The following MACROD2 variants were observed in gnomAD, a reference collection of about 807,000 sequenced individuals.
MACROD2 encodes ADP-ribose glycohydrolase MACROD2.
A neutral mutation model predicts 70.4 loss-of-function variants in MACROD2; 36 were observed. The observed-to-expected ratio is 0.51, with a 90% CI of 0.39 to 0.68. MACROD2 has a LOEUF of 0.68. MACROD2 is among the 30% of genes least tolerant of loss of function. The probability of loss-of-function intolerance (pLI) is 0.00; values close to 1 mark genes in which losing one functional copy is unlikely to be tolerated. For synonymous variants in MACROD2, 172 were observed against 178.8 expected (o/e 0.96, Z 0.30); for missense variants, 496 against 538.4 (o/e 0.92, Z 0.78).
chr20:14,694,051 G>T (rs774253819), intron 5 of MACROD2, among the ~76,000 whole-genome samples: 2 of 152,134 alleles, frequency 1.3e-5, no homozygotes, highest in Non-Finnish European at 2.9e-5. Flanking sequence ...AAGAGCTTAG[G>T]TCCTAGCAGA....
intron 2 of MACROD2, among the ~76,000 whole-genome samples, chr20:14,013,696 T>TTTTG (rs2052946943): frequency 7.5e-6 from 1 of 133,850 alleles, no homozygotes; most frequent in South Asian, 2.5e-4. Flanking sequence ...TTTTTTTTTT[T>TTTTG]TGAGACGGAG....
chr20:14,214,290 TA>T (rs1250506041), intron 3 of MACROD2, among the ~76,000 whole-genome samples: 2 of 152,124 alleles, frequency 1.3e-5, no homozygotes, highest in Admixed American at 1.3e-4. Context: ...TAAAAGGCAT[TA>T]AAAGAAAACA....
chr20:14,775,119 G>A (rs2123776563), intron 5 of MACROD2, among the ~76,000 whole-genome samples: 1 of 152,168 alleles, frequency 6.6e-6, no homozygotes, highest in African/African-American at 2.4e-5. Flanking sequence ...GTGTGTATAT[G>A]TTTACCACTT....
chr20:15,074,731 T>C (rs1035062782), intron 5 of MACROD2, among the ~76,000 whole-genome samples: 1 of 152,174 alleles, frequency 6.6e-6, no homozygotes, highest in Admixed American at 6.5e-5. Flanking sequence ...TGCAATGTAT[T>C]GGAAGCCCCT....
At chr20:14,710,590 C>T (rs2071326668) in intron 5 of MACROD2, among the ~76,000 whole-genome samples, 1 of 152,072 alleles carries the variant, frequency 6.6e-6, no homozygotes, top group South Asian at 2.1e-4. Context: ...ATTGACTGAG[C>T]CTCCCTTTGG....
chr20:15,915,007 G>T (rs527512003), intron 10 of MACROD2, among the ~76,000 whole-genome samples: 1 of 152,276 alleles, frequency 6.6e-6, no homozygotes, highest in East Asian at 1.9e-4. Context: ...GATCTGGAAG[G>T]GTCCCAAGCG....
chr20:15,998,957 C>G (rs889931583), intron 15 of MACROD2, among the ~76,000 whole-genome samples: 6 of 151,636 alleles, frequency 4.0e-5, no homozygotes, highest in Non-Finnish European at 5.9e-5. Context: ...TATTGTTTTT[C>G]TATTCTCTAT....
At chr20:14,753,892 A>G (rs1371233627) in intron 5 of MACROD2, among the ~76,000 whole-genome samples, 2 of 152,088 alleles carry the variant, frequency 1.3e-5, no homozygotes, top group Admixed American at 6.6e-5. Context: ...CTAAAACACC[A>G]TGTCCAAATT....
intron 15 of MACROD2, among the ~76,000 whole-genome samples, chr20:15,989,313 T>A (rs778170851): frequency 1.6e-4 from 25 of 152,330 alleles, no homozygotes; most frequent in Non-Finnish European, 3.1e-4. Flanking sequence ...TCCATTTGGT[T>A]GGCAGCACCA....
chr20:15,196,558 C>A (rs1376653024), intron 5 of MACROD2, among the ~76,000 whole-genome samples: 3 of 152,058 alleles, frequency 2.0e-5, no homozygotes, highest in African/African-American at 7.2e-5. Flanking sequence ...CTCTACTGGA[C>A]AAAAATCTAT....
chr20:15,973,784 T>C lies in MACROD2; in HGVS notation c.985+6154T>C, dbSNP rs192836538. Among the ~76,000 whole-genome samples, 588 of 152,320 alleles carry C rather than the reference T, an allele frequency of 3.9e-3. 9 individuals are homozygous for C. The highest frequency in any genetic ancestry group is 0.014 in the African/African-American group (569 of 41,578). ...ATCAAAAGAAAACATGAAGAACTAC[T>C]TCTATTTGAACCAATCTATTCGGTT... On this transcript the variant is annotated intron_variant, in intron 13 of 17. Transcript: ENST00000684519.
chr20:14,861,312 C>T (rs1383451035), intron 5 of MACROD2, among the ~76,000 whole-genome samples: 1 of 152,066 alleles, frequency 6.6e-6, no homozygotes, highest in African/African-American at 2.4e-5. Flanking sequence ...AGATGTTGTT[C>T]TCAGTCTTGT....
At position 15,227,823 on chromosome 20, in the gene MACROD2, G is replaced by GTTTTTTTTTTTTT. The variant is rs59129207; in HGVS notation, c.419-2103_419-2091dup. Among the ~76,000 whole-genome samples the GTTTTTTTTTTTTT allele has an allele frequency of 2.7e-3, 126 of 46,094 alleles. 26 individuals carry two copies. Among genetic ancestry groups the GTTTTTTTTTTTTT allele is most frequent in the East Asian group, 4.1e-3 (7 of 1,718 alleles). The allele number at this position is 46,094 out of a possible 152,430, so 30.2% of individuals were successfully genotyped here. A position where few individuals can be genotyped will look rare whatever the true frequency, so the allele number is the denominator to read the frequency against. On this transcript the variant is annotated intron_variant, in intron 5 of 17. Transcript: ENST00000684519. Reference sequence around the variant, plus strand: ...TAACTGGTGTGATAGAATTTCACCTGTTTTTTTTTTTTTTTTTTTTTTTTT... The same window carrying GTTTTTTTTTTTTT: ...TAACTGGTGTGATAGAATTTCACCTGTTTTTTTTTTTTTTTTTTTTTTTTTTTTTTTTTTTTTT...
intron 8 of MACROD2, among the ~76,000 whole-genome samples, chr20:15,570,958 G>A (rs2048369031): frequency 6.6e-6 from 1 of 152,120 alleles, no homozygotes. Flanking sequence ...GGGGAAAATA[G>A]ATAATTACCT....
chr20:14,786,561 G>GAA (rs537631700), intron 5 of MACROD2, among the ~76,000 whole-genome samples: 2 of 142,242 alleles, frequency 1.4e-5, no homozygotes, highest in Admixed American at 1.4e-4. Flanking sequence ...TATCAGAAAA[G>GAA]AAAAAAAAAA....
intron 3 of MACROD2, among the ~76,000 whole-genome samples, chr20:14,443,869 G>T (rs2084154317): frequency 1.3e-5 from 2 of 151,976 alleles, no homozygotes; most frequent in South Asian, 4.1e-4. Flanking sequence ...TTACTGTCAG[G>T]GTTTAATAAA....
At chr20:14,536,628 T>TGC (rs2085367209) in intron 4 of MACROD2, among the ~76,000 whole-genome samples, 48 of 82,962 alleles carry the variant, frequency 5.8e-4, no homozygotes, top group Admixed American at 3.4e-3. Flanking sequence ...GTAACATTGG[T>TGC]GTGTGTGTGT....
intron 5 of MACROD2, among the ~76,000 whole-genome samples, chr20:14,967,013 G>A (rs1046784410): frequency 2.0e-5 from 3 of 151,642 alleles, no homozygotes; most frequent in Admixed American, 2.0e-4. Context: ...TGTAATAGTG[G>A]ATATGTATTG....
chr20:15,473,076 A>G (rs1227194370), intron 7 of MACROD2, among the ~76,000 whole-genome samples: 6 of 152,214 alleles, frequency 3.9e-5, no homozygotes, highest in African/African-American at 1.4e-4. Flanking sequence ...CCCTCCACCC[A>G]AATTGACTCA....
Sources: gnomAD v4.1 joint callset for allele counts (sites outside exome capture counted in the v4.1 genomes callset) on GRCh38, gnomAD v4.1.1 for gene constraint, MANE v1.5 for transcripts, NCBI Gene and HGNC (gene_info 2026-07-23, HGNC 2026-07-21) for gene names.